CEP78: variants seen among roughly 807,000 people sequenced by gnomAD.
CEP78 encodes the protein centrosomal protein of 78 kDa.
A neutral mutation model predicts 81.2 loss-of-function variants in CEP78; 76 were observed. The observed-to-expected ratio is 0.94, with a 90% CI of 0.78 to 1.13. The LOEUF (loss-of-function observed/expected upper bound fraction) is 1.13. CEP78 is among the 50% of genes most tolerant of loss of function. CEP78 has a pLI of 0.00. For synonymous variants in CEP78, 293 were observed against 301.4 expected (o/e 0.97, Z 0.29); for missense variants, 918 against 846.8 (o/e 1.08, Z -1.04).
At chr9:78,262,706 T>A (rs1314352184) in intron 11 of CEP78, among the ~76,000 whole-genome samples, 1 of 152,018 alleles carries the variant, frequency 6.6e-6, no homozygotes, top group East Asian at 1.9e-4. Context: ...TGGAAATAAA[T>A]CTGTAATGTG....
At chr9:78,254,815 A>G in intron 10 of CEP78, 21 bp from the exon 11 acceptor site, 1 of 1,592,482 alleles carries the variant, frequency 6.3e-7, no homozygotes, top group Non-Finnish European at 8.6e-7. Flanking sequence ...TTATTATACA[A>G]TCTTGTCCTC....
In CEP78 at chr9:78,272,726, T is replaced by C. The variant is rs772463143; in HGVS notation, c.*1875T>C. 2.6e-5 allele frequency: 4 copies of C among 152,250 alleles called. No individual in the cohort carries two copies. Among genetic ancestry groups the C allele is most frequent in the Non-Finnish European group, 5.9e-5 (4 of 68,030 alleles). The allele number at this position is 152,250 out of a possible 1,614,324, so 9.4% of individuals were successfully genotyped here. A position where few individuals can be genotyped will look rare whatever the true frequency, so the allele number is the denominator to read the frequency against. ...ATTACTTTCAACAACATAGGTTTAT[T>C]TGTGCCCATGCAGTTTGCCTTTGGC... On this transcript the variant is annotated 3_prime_UTR_variant, in exon 17 of 17. Coordinates refer to ENST00000643273, the MANE Select transcript of CEP78 (RefSeq NM_001330691.3).
chr9:78,266,562 C>T lies in CEP78; in HGVS notation c.1966C>T (p.Gln656Ter), dbSNP rs755169273. The T allele has an allele frequency of 6.2e-6, 10 of 1,613,930 alleles. No homozygotes were observed. Among genetic ancestry groups the T allele is most frequent in the Non-Finnish European group, 7.6e-6 (9 of 1,179,860 alleles). ...CAACCTAGGAGTCCCAGCTACTGAGCAGCGGCAGGAGTCTTTTGAAGGATT... is the reference window on the plus strand; with the variant it reads ...CAACCTAGGAGTCCCAGCTACTGAGTAGCGGCAGGAGTCTTTTGAAGGATT... ...SNNLGVPATE[Q>*]RQESFEGFIA... The change falls in exon 16 of 17, where the codon CAG becomes TAG. Residue 656 changes from glutamine (Q) to a stop codon, truncating the protein, a stop_gained. Coordinates refer to ENST00000643273, the MANE Select transcript of CEP78 (RefSeq NM_001330691.3). LOFTEE classifies it high-confidence loss of function.
rs1827825928 is a variant in CEP78 at position 78,277,370 on chromosome 9, G to A, written c.*6519G>A. The A allele has an allele frequency of 6.6e-6, 1 of 151,616 alleles. No homozygotes were observed. 9.4% of individuals were successfully genotyped at this position (151,616 alleles called of 1,614,324 possible). ...AATTAGATTTCATAAATAAAGGAGTGGGAAAATACATGTAATAGAACAGAA... is the reference window on the plus strand; with the variant it reads ...AATTAGATTTCATAAATAAAGGAGTAGGAAAATACATGTAATAGAACAGAA... On this transcript the variant is annotated 3_prime_UTR_variant, in exon 17 of 17. Transcript: ENST00000643273.
chr9:78,246,934 A>C (rs566283017), intron 6 of CEP78, among the ~76,000 whole-genome samples, 152 bp downstream of exon 6: 1 of 152,352 alleles, frequency 6.6e-6, no homozygotes, highest in South Asian at 2.1e-4. Context: ...TAGATAATTT[A>C]CTGATGAAAA....
intron 6 of CEP78, 69 bp downstream of exon 6, chr9:78,246,851 A>G (rs1826516458): frequency 2.3e-6 from 2 of 873,406 alleles, no homozygotes; most frequent in South Asian, 3.5e-5. Flanking sequence ...ATGTATTGAC[A>G]GTTTTGAAAA....
chr9:78,258,102 G>A (rs376679468), intron 11 of CEP78, among the ~76,000 whole-genome samples: 7 of 152,312 alleles, frequency 4.6e-5, no homozygotes, highest in South Asian at 2.1e-4. Context: ...GATTTAGCAC[G>A]TATTGGACAC....
intron 1 of CEP78, 127 bp downstream of exon 1, chr9:78,236,730 G>C (rs996633722): frequency 2.3e-6 from 3 of 1,289,936 alleles, no homozygotes; most frequent in South Asian, 3.2e-5. Context: ...CACGAGCTAG[G>C]TGAGTGGCTT....
Position 78,265,924 on chromosome 9 carries a change from G to A in CEP78, c.1845+18G>A, listed in dbSNP as rs1210109401. On this transcript the variant is annotated intron_variant, in intron 15 of 16. Transcript: ENST00000643273. ...TAATGAAGGTACAAGTACTGATATAGATAATTTTTCAGAATAAGTAATTCA... is the reference window on the plus strand; with the variant it reads ...TAATGAAGGTACAAGTACTGATATAAATAATTTTTCAGAATAAGTAATTCA... 4 of 1,237,832 alleles carry A rather than the reference G, an allele frequency of 3.2e-6. No individual in the cohort carries two copies. Among genetic ancestry groups the A allele is most frequent in the Non-Finnish European group, 4.6e-6 (4 of 861,884 alleles). The allele number at this position is 1,237,832 out of a possible 1,614,324, so 76.7% of individuals were successfully genotyped here. A position where few individuals can be genotyped will look rare whatever the true frequency, so the allele number is the denominator to read the frequency against.
At chr9:78,255,076 C>G (rs1353517477) in intron 11 of CEP78, 112 bp downstream of exon 11, 1 of 808,208 alleles carries the variant, frequency 1.2e-6, no homozygotes. Flanking sequence ...CTGTTTTCGC[C>G]TTCCTTCTAT....
At position 78,240,356 on chromosome 9, in the gene CEP78, G is replaced by T. The variant is rs200752089; in HGVS notation, c.491G>T (p.Gly164Val). 7 of 1,577,802 alleles carry T rather than the reference G, an allele frequency of 4.4e-6. No homozygotes were observed. The highest frequency in any genetic ancestry group is 4.3e-6 in the Non-Finnish European group (5 of 1,159,310). ...SLANCPIGDG[G>V]LEIICQGIKS... ...GCAAATTGTCCAATTGGAGATGGAG[G>T]TTTAGAAAGTGAGTTTAAATCTCAT... The change falls in exon 3 of 17, where the codon GGT becomes GTT. Residue 164 changes from glycine to valine, a missense_variant. Physicochemically the swap from Gly to Val is moderately radical, Grantham distance 109. Transcript: ENST00000643273.
intron 3 of CEP78, 126 bp downstream of exon 3, chr9:78,240,490 C>T: frequency 1.2e-6 from 1 of 800,472 alleles, no homozygotes. Flanking sequence ...AAACCTTGGT[C>T]CAGTCTCAAG....
chr9:78,254,842 G>C lies in CEP78; in HGVS notation c.1258G>C (p.Gly420Arg). 1 of 1,607,010 alleles carries C rather than the reference G, an allele frequency of 6.2e-7. No individual in the cohort carries two copies. The highest frequency in any genetic ancestry group is 8.5e-7 in the Non-Finnish European group (1 of 1,176,474). ...CTTGTCCTCTTTTTTTAAGCAACCAGGTTTTCCTGTGACTGTGACAGTAGA... is the reference window on the plus strand; with the variant it reads ...CTTGTCCTCTTTTTTTAAGCAACCACGTTTTCCTGTGACTGTGACAGTAGA... ...RDICNQLQQPGFPVTVTVESP... is the reference protein window; with the variant it reads ...RDICNQLQQPRFPVTVTVESP... Residue 420 changes from glycine to arginine, a missense_variant, in exon 11 of 17, where the codon GGT (glycine) becomes CGT (arginine). Coordinates refer to ENST00000643273, the MANE Select transcript of CEP78 (RefSeq NM_001330691.3).
chr9:78,249,967 T>C (rs1043985528), intron 8 of CEP78: 52 of 272,904 alleles, frequency 1.9e-4, no homozygotes, highest in Middle Eastern at 2.2e-3. Context: ...GATGCTACTT[T>C]AAATTTTTGA....
chr9:78,242,057 A>G (rs1037890920), intron 4 of CEP78, among the ~76,000 whole-genome samples: 4 of 152,234 alleles, frequency 2.6e-5, no homozygotes, highest in African/African-American at 2.4e-5. Context: ...CAGTAATTTT[A>G]AAGGTGCCTT....
chr9:78,237,452 G>A (rs1826009510), intron 1 of CEP78, among the ~76,000 whole-genome samples: 2 of 152,156 alleles, frequency 1.3e-5, no homozygotes, highest in Admixed American at 6.5e-5. Flanking sequence ...TGAGCACTTA[G>A]CATTTTCTAC....
intron 16 of CEP78, among the ~76,000 whole-genome samples, chr9:78,267,281 G>A (rs1420345775): frequency 6.6e-6 from 1 of 152,108 alleles, no homozygotes; most frequent in Non-Finnish European, 1.5e-5. Context: ...TAATCTCAAG[G>A]AACTAACATT....
At chr9:78,242,806 G>A (rs1463848415) in intron 4 of CEP78, among the ~76,000 whole-genome samples, 2 of 152,078 alleles carry the variant, frequency 1.3e-5, no homozygotes, top group Non-Finnish European at 2.9e-5. Flanking sequence ...GATAATACCT[G>A]TGGTTAAAAC....
At chr9:78,244,434 T>C (rs1587561578) in intron 5 of CEP78, among the ~76,000 whole-genome samples, 1 of 152,208 alleles carries the variant, frequency 6.6e-6, no homozygotes, top group African/African-American at 2.4e-5. Context: ...AGCCTGAAGT[T>C]ACTCCTGTAG....
Sources: allele counts gnomAD v4.1 joint callset (sites outside exome capture counted in the v4.1 genomes callset), GRCh38; gene constraint gnomAD v4.1.1; transcripts MANE v1.5; gene names NCBI Gene and HGNC (gene_info 2026-07-23, HGNC 2026-07-21).